Variants in KCNG2 observed in about 807,000 individuals in gnomAD.
KCNG2 encodes the protein potassium voltage-gated channel modifier subfamily G member 2, also known as voltage-gated potassium channel regulatory subunit KCNG2.
In KCNG2, 7 loss-of-function variants were observed where a neutral mutation model predicts 12.3. That is an observed-to-expected ratio of 0.57 (90% confidence interval 0.32 to 1.07). KCNG2 has a LOEUF of 1.07. KCNG2 is among the 50% of genes least tolerant of loss of function. The pLI, the probability that KCNG2 is intolerant of heterozygous loss-of-function variation, is 0.04. For synonymous variants in KCNG2, 414 were observed against 351.4 expected (o/e 1.18, Z -1.99); for missense variants, 703 against 726.0 (o/e 0.97, Z 0.36).
At chr18:79,819,016 T>C (rs2087550991) in intron 1 of KCNG2, among the ~76,000 whole-genome samples, 2 of 152,054 alleles carry the variant, frequency 1.3e-5, no homozygotes, top group African/African-American at 4.8e-5. Context: ...AACATTTGCG[T>C]GTTGAATGAG....
At position 79,884,706 on chromosome 18, in the gene KCNG2, G is replaced by GCCCAAGGCCCAAGGCCCACGCCCA. The variant is rs1980453121; in HGVS notation, c.625-14334_625-14333insCCCAAGGCCCAAGGCCCACGCCCA. Among the ~76,000 whole-genome samples the GCCCAAGGCCCAAGGCCCACGCCCA allele has an allele frequency of 2.6e-5, 4 of 152,204 alleles. No homozygotes were observed. The highest frequency in any genetic ancestry group is 1.3e-4 in the Admixed American group (2 of 15,290). Reference sequence around the variant, plus strand: ...GGACACGCCCAAGGCCCACAGACACGTGGCTTCGTGATGGGGAGCCACGGG... The same window carrying GCCCAAGGCCCAAGGCCCACGCCCA: ...GGACACGCCCAAGGCCCACAGACACGCCCAAGGCCCAAGGCCCACGCCCATGGCTTCGTGATGGGGAGCCACGGG... On this transcript the variant is annotated intron_variant, in intron 3 of 3. Transcript: ENST00000316249. This position sits in a 1 kb window ranked among gnomAD's most constrained non-coding sequence, Gnocchi z 5.5.
At chr18:79,878,278 G>A (rs1394780694) in intron 3 of KCNG2, among the ~76,000 whole-genome samples, 1 of 126,270 alleles carries the variant, frequency 7.9e-6, no homozygotes, top group Non-Finnish European at 1.8e-5. Context: ...TGATGCCCAC[G>A]TGGCAGTGTG....
chr18:79,875,034 T>A (rs1448630964), intron 3 of KCNG2, among the ~76,000 whole-genome samples: 2 of 152,140 alleles, frequency 1.3e-5, no homozygotes, highest in Non-Finnish European at 2.9e-5. Context: ...GCTCCCCACC[T>A]TCTGCCCTGT....
chr18:79,867,934 G>T (rs1487611202), intron 3 of KCNG2, among the ~76,000 whole-genome samples: 1 of 152,110 alleles, frequency 6.6e-6, no homozygotes, highest in Non-Finnish European at 1.5e-5. Flanking sequence ...CAAGCCTGCG[G>T]CCCGAGTGCC....
In KCNG2 at chr18:79,899,677, G is replaced by A. The variant is rs774536374; in HGVS notation, c.1262G>A (p.Arg421His). Residue 421 changes from arginine (R) to histidine (H), a missense_variant, in exon 4 of 4, where the codon CGC becomes CAC. Arg to His is a conservative substitution (Grantham distance 29). Coordinates refer to ENST00000316249, the MANE Select transcript of KCNG2 (RefSeq NM_012283.2). ...SYSELKEQQQ[R>H]AASPEPALQE... ...TCCGAGCTCAAGGAGCAGCAGCAGC[G>A]CGCGGCCAGCCCCGAGCCGGCCCTG... The A allele has an allele frequency of 8.7e-6, 14 of 1,608,030 alleles. No individual in the cohort carries two copies. The Middle Eastern group carries it at 5.0e-4, about 57-fold the overall frequency.
chr18:79,895,547 C>T (rs1980937687), intron 3 of KCNG2, among the ~76,000 whole-genome samples: 1 of 151,876 alleles, frequency 6.6e-6, no homozygotes, highest in Non-Finnish European at 1.5e-5. Context: ...ACTTCATTCA[C>T]ATCTAATGTT....
At chr18:79,868,134 T>C (rs1164896333) in intron 3 of KCNG2, among the ~76,000 whole-genome samples, 1 of 152,144 alleles carries the variant, frequency 6.6e-6, no homozygotes, top group Non-Finnish European at 1.5e-5. Context: ...CGTTAGAGAA[T>C]AGGAGAAGTT....
In KCNG2 at chr18:79,832,922, C is replaced by T. The variant is rs551067130; in HGVS notation, c.-114-23457C>T. ...ATCACGGTGAGCCTTGGAGTATAAA[C>T]GGCTGGGACGTCCTTGCTGTCTGCT... On this transcript the variant is annotated intron_variant, in intron 1 of 3. Transcript: ENST00000316249. 3.2e-4 allele frequency among the ~76,000 whole-genome samples: 49 copies of T among 152,142 alleles called. 1 individual carries two copies. In the South Asian group the frequency reaches 8.7e-3, roughly 27 times the overall value.
chr18:79,857,582 T>C (rs1356482226), intron 2 of KCNG2, among the ~76,000 whole-genome samples: 2 of 152,088 alleles, frequency 1.3e-5, no homozygotes, highest in Non-Finnish European at 2.9e-5. Flanking sequence ...CTCTGGTTCC[T>C]GACTTGCCGT....
intron 1 of KCNG2, among the ~76,000 whole-genome samples, chr18:79,833,270 G>A (rs1978306155): frequency 6.6e-6 from 1 of 151,976 alleles, no homozygotes; most frequent in African/African-American, 2.4e-5. Flanking sequence ...AAAATAGCTG[G>A]GACTACAGGT....
chr18:79,845,177 G>A (rs181778697), intron 1 of KCNG2, among the ~76,000 whole-genome samples: 27 of 152,332 alleles, frequency 1.8e-4, no homozygotes, highest in Middle Eastern at 6.8e-3. Flanking sequence ...AAAAGGTTAC[G>A]TAGGGTGTGG....
intron 1 of KCNG2, among the ~76,000 whole-genome samples, chr18:79,818,674 G>A (rs554386730): frequency 1.3e-5 from 2 of 152,308 alleles, no homozygotes; most frequent in African/African-American, 2.4e-5. Context: ...GCACTCTCTG[G>A]TCTGAAGATT....
At chr18:79,821,492 G>A (rs2087570132) in intron 1 of KCNG2, among the ~76,000 whole-genome samples, 1 of 151,996 alleles carries the variant, frequency 6.6e-6, no homozygotes, top group Non-Finnish European at 1.5e-5. Context: ...GTTTCACCAT[G>A]TTGGCCAGGC....
chr18:79,824,537 C>T (rs1174394256), intron 1 of KCNG2, among the ~76,000 whole-genome samples: 1 of 152,150 alleles, frequency 6.6e-6, no homozygotes, highest in Non-Finnish European at 1.5e-5. Flanking sequence ...TAATACCTCT[C>T]GTATAATGTT....
intron 1 of KCNG2, among the ~76,000 whole-genome samples, chr18:79,849,619 C>A (rs1423071537): frequency 1.3e-5 from 2 of 152,258 alleles, no homozygotes; most frequent in African/African-American, 2.4e-5. Context: ...TCTTAGCTGT[C>A]GTGGTTTCTG....
At chr18:79,812,548 C>G (rs2087499833) in intron 1 of KCNG2, among the ~76,000 whole-genome samples, 1 of 152,110 alleles carries the variant, frequency 6.6e-6, no homozygotes, top group Admixed American at 6.6e-5. Flanking sequence ...TAAACAAAGA[C>G]ATTACAAAAA....
chr18:79,874,118 G>A (rs1979973129), intron 3 of KCNG2, among the ~76,000 whole-genome samples: 1 of 152,188 alleles, frequency 6.6e-6, no homozygotes, highest in African/African-American at 2.4e-5. Context: ...CCTCACATTC[G>A]GCCCTCACAG....
In KCNG2 at chr18:79,836,381, G is replaced by A. The variant is rs938476323; in HGVS notation, c.-114-19998G>A. 5.3e-5 allele frequency among the ~76,000 whole-genome samples: 8 copies of A among 152,312 alleles called. No individual in the cohort carries two copies. In the South Asian group the frequency reaches 1.0e-3, roughly 20 times the overall value. On this transcript the variant is annotated intron_variant, in intron 1 of 3. Transcript: ENST00000316249. ...CTGCAAAATATGTGAACCAAAGGAT[G>A]ACAGAGTTTAAAGTAGAAACATTCA...
intron 1 of KCNG2, among the ~76,000 whole-genome samples, chr18:79,826,826 G>A (rs998048549): frequency 6.6e-6 from 1 of 151,782 alleles, no homozygotes; most frequent in Non-Finnish European, 1.5e-5. Context: ...GCTCCTCACG[G>A]AAGGTTAGTT....
Sources: gnomAD v4.1 joint callset for allele counts (sites outside exome capture counted in the v4.1 genomes callset) on GRCh38, gnomAD v4.1.1 for gene constraint, Gnocchi (gnomAD v3.1) non-coding constraint, MANE v1.5 for transcripts, NCBI Gene and HGNC (gene_info 2026-07-23, HGNC 2026-07-21) for gene names.